Variants in MTSS2 observed in about 807,000 individuals in gnomAD.
The protein encoded by MTSS2 is MTSS I-BAR domain containing 2, also known as protein MTSS 2.
Under a neutral mutation model 67.1 loss-of-function variants are expected in MTSS2, and 27 were observed. The ratio of observed to expected loss-of-function variants is 0.40; its 90% CI spans 0.30 to 0.55. MTSS2 has a LOEUF of 0.55. MTSS2 is among the 20% of genes least tolerant of loss of function. The pLI, the probability that MTSS2 is intolerant of heterozygous loss-of-function variation, is 0.43. For synonymous variants in MTSS2, 624 were observed against 468.6 expected, an observed-to-expected ratio of 1.33 and a Z score of -4.28; for missense variants, 1,171 against 1,067.8, an observed-to-expected ratio of 1.10 and a Z score of -1.35.
chr16:70,667,476 CAA>C (rs1416718316), intron 11 of MTSS2, among the ~76,000 whole-genome samples: 1 of 151,978 alleles, frequency 6.6e-6, no homozygotes, highest in Non-Finnish European at 1.5e-5. Flanking sequence ...AACAAAAAAA[CAA>C]AACCACCCTA....
At chr16:70,679,576 G>GGGCTGT in intron 6 of MTSS2, 54 bp downstream of exon 6, 1 of 1,528,644 alleles carries the variant, frequency 6.5e-7, no homozygotes, top group Non-Finnish European at 8.8e-7. Flanking sequence ...CGGGGCGGTG[G>GGGCTGT]GGCTGTGGAG....
At chr16:70,669,049 AAAAC>A (rs1289701771) in intron 11 of MTSS2, among the ~76,000 whole-genome samples, 3 of 152,208 alleles carry the variant, frequency 2.0e-5, no homozygotes, top group Non-Finnish European at 2.9e-5. Context: ...CTGCAGATCT[AAAAC>A]AAAAGGGCAA....
At position 70,685,834 on chromosome 16, in the gene MTSS2, G is replaced by A; in HGVS notation, c.-43C>T. ...CCGCGGCGGCGGCTAGGCGCACGGA[G>A]CGCGGGGAGCAGCGCAAGGGAGGGG... On this transcript the variant is annotated 5_prime_UTR_variant, in exon 1 of 15. Coordinates refer to ENST00000338779, the MANE Select transcript of MTSS2 (RefSeq NM_138383.3). The A allele has an allele frequency of 3.3e-6, 4 of 1,195,824 alleles. No homozygotes were observed. The highest frequency in any genetic ancestry group is 4.2e-6 in the Non-Finnish European group (4 of 947,496). 74.1% of individuals were successfully genotyped at this position (1,195,824 alleles called of 1,614,324 possible).
chr16:70,674,336 G>A lies in MTSS2; in HGVS notation c.1023C>T (p.Pro341=). 6.2e-7 allele frequency: 1 copy of A among 1,613,970 alleles called. No individual in the cohort carries two copies. Among genetic ancestry groups the A allele is most frequent in the Non-Finnish European group, 8.5e-7 (1 of 1,180,000 alleles). ...VSQDATYSKP[P]SPMPSDITSQ... ...TGGTGATGTCTGAAGGCATAGGCGA[G>A]GGGGGCTTGGAGTAGGTGGCGTCCT... Residue 341 remains proline (P), a synonymous_variant, in exon 11 of 15, where the codon CCC becomes CCT. Transcript: ENST00000338779.
At chr16:70,679,927 G>GGCCCCCCC in intron 4 of MTSS2, 44 bp downstream of exon 4, 1 of 1,491,352 alleles carries the variant, frequency 6.7e-7, no homozygotes, top group Non-Finnish European at 9.0e-7. Context: ...CCCCCGCGAC[G>GGCCCCCCC]CCCCGTCCCC....
chr16:70,680,111 C>G, intron 3 of MTSS2, 56 bp from the exon 4 acceptor site: 4 of 1,279,568 alleles, frequency 3.1e-6, no homozygotes, highest in Non-Finnish European at 3.0e-6. Context: ...GCAGTCCCGG[C>G]CTCGGGCCAG....
intron 11 of MTSS2, among the ~76,000 whole-genome samples, chr16:70,671,529 G>T (rs2052936879): frequency 6.6e-6 from 1 of 152,018 alleles, no homozygotes; most frequent in Non-Finnish European, 1.5e-5. Context: ...GGGGGAGAAG[G>T]GACAGATCTT....
In MTSS2 at chr16:70,663,500, A is replaced by AAGTC. The variant is rs2052569191; in HGVS notation, c.*173_*176dup. Reference sequence around the variant, plus strand: ...CTCCGTCCTGGCCAGGCTTGCTAAGAAGTCACTTCCTGTTTAAATGCTGGA... The same window carrying AAGTC: ...CTCCGTCCTGGCCAGGCTTGCTAAGAAGTCAGTCACTTCCTGTTTAAATGCTGGA... On this transcript the variant is annotated 3_prime_UTR_variant, in exon 15 of 15. Coordinates refer to ENST00000338779, the MANE Select transcript of MTSS2 (RefSeq NM_138383.3). 2 of 1,242,114 alleles carry AAGTC rather than the reference A, an allele frequency of 1.6e-6. No individual in the cohort carries two copies. The highest frequency in any genetic ancestry group is 6.3e-5 in the Admixed American group (2 of 31,592). The allele number at this position is 1,242,114 out of a possible 1,614,324, so 76.9% of individuals were successfully genotyped here. A position where few individuals can be genotyped will look rare whatever the true frequency, so the allele number is the denominator to read the frequency against.
chr16:70,679,468 G>A, intron 6 of MTSS2, 145 bp from the exon 7 acceptor site: 1 of 1,259,284 alleles, frequency 7.9e-7, no homozygotes, highest in Non-Finnish European at 1.1e-6. Flanking sequence ...CCAGGTTTGG[G>A]GGGAAGGGCA....
intron 1 of MTSS2, among the ~76,000 whole-genome samples, chr16:70,682,700 T>A (rs1158666829): frequency 7.2e-6 from 1 of 139,170 alleles, no homozygotes; most frequent in Admixed American, 7.5e-5. Flanking sequence ...AAAGAGCTTA[T>A]GTCTTATTTG....
intron 6 of MTSS2, 37 bp downstream of exon 6, chr16:70,679,593 C>A: frequency 6.4e-7 from 1 of 1,562,454 alleles, no homozygotes; most frequent in Non-Finnish European, 8.7e-7. Flanking sequence ...GGAGCGGGGC[C>A]GTGGGGCTGT....
At chr16:70,680,681 C>G (rs11643085) in intron 3 of MTSS2, 113 bp downstream of exon 3, 416,504 of 930,736 alleles carry the variant, frequency 0.45, 99,078 homozygotes, top group Non-Finnish European at 0.5. Flanking sequence ...GAGCAGAACT[C>G]AAGGTTCTGG....
At chr16:70,670,969 CAAAAA>C (rs1166088540) in intron 11 of MTSS2, among the ~76,000 whole-genome samples, 67 of 32,966 alleles carry the variant, frequency 2.0e-3, no homozygotes, top group African/African-American at 4.1e-3. Flanking sequence ...GACCCTGTCT[CAAAAA>C]AAAAAAAAAA....
intron 10 of MTSS2, among the ~76,000 whole-genome samples, chr16:70,674,833 C>T (rs2053063533): frequency 6.6e-6 from 1 of 152,196 alleles, no homozygotes; most frequent in Non-Finnish European, 1.5e-5. Context: ...GTTGTCCAGG[C>T]TGGGCACAGT....
chr16:70,677,938 CCACCT>C, intron 8 of MTSS2, 39 bp from the exon 9 acceptor site: 1 of 1,463,032 alleles, frequency 6.8e-7, no homozygotes, highest in Non-Finnish European at 9.2e-7. Context: ...GCCCTATCGC[CCACCT>C]GCCCGCCTGC....
At chr16:70,683,611 A>G (rs1011180754) in intron 1 of MTSS2, among the ~76,000 whole-genome samples, 2 of 152,192 alleles carry the variant, frequency 1.3e-5, no homozygotes, top group African/African-American at 4.8e-5. Context: ...CTGGGTTTCA[A>G]TGGGCAGCCT....
At chr16:70,673,615 G>A (rs1044482709) in intron 11 of MTSS2, among the ~76,000 whole-genome samples, 1 of 152,088 alleles carries the variant, frequency 6.6e-6, no homozygotes, top group East Asian at 1.9e-4. Flanking sequence ...GATTTGAGAT[G>A]CAAGAAAAAA....
Position 70,665,114 on chromosome 16 carries a change from C to T in MTSS2, c.1129-18G>A. 1 of 1,582,304 alleles carries T rather than the reference C, an allele frequency of 6.3e-7. No homozygotes were observed. The highest frequency in any genetic ancestry group is 1.1e-5 in the South Asian group (1 of 88,430). ...GACCAGTCCTGCAGGGAGGGTGTGG[C>T]AGGTCAGGGGGACCACTGGCCCTAC... On this transcript the variant is annotated intron_variant, in intron 12 of 14. Transcript: ENST00000338779.
intron 12 of MTSS2, 32 bp from the exon 13 acceptor site, chr16:70,665,128 C>T: frequency 6.4e-7 from 1 of 1,569,190 alleles, no homozygotes. Flanking sequence ...TCAGGGGGAC[C>T]ACTGGCCCTA....
Sources: allele counts gnomAD v4.1 joint callset (sites outside exome capture counted in the v4.1 genomes callset), GRCh38; gene constraint gnomAD v4.1.1; transcripts MANE v1.5; gene names NCBI Gene and HGNC (gene_info 2026-07-23, HGNC 2026-07-21).